STAT3: variants seen among roughly 807,000 people sequenced by gnomAD.
STAT3 encodes the protein signal transducer and activator of transcription 3.
Under a neutral mutation model 114.3 loss-of-function variants are expected in STAT3, and 7 were observed. The observed-to-expected ratio is 0.06, with a 90% CI of 0.03 to 0.11. STAT3 has a LOEUF of 0.11. Ranked by LOEUF, STAT3 falls within the 10% of genes least tolerant of loss-of-function variation. The pLI, the probability that STAT3 is intolerant of heterozygous loss-of-function variation, is 1.00. For synonymous variants in STAT3, 331 were observed against 354.5 expected, an observed-to-expected ratio of 0.93 and a Z score of 0.74; for missense variants, 364 against 960.9, an observed-to-expected ratio of 0.38 and a Z score of 8.21.
At chr17:42,360,505 A>G (rs2083459762) in intron 1 of STAT3, among the ~76,000 whole-genome samples, 1 of 151,924 alleles carries the variant, frequency 6.6e-6, no homozygotes, top group African/African-American at 2.4e-5. Context: ...TTAGCTGGCC[A>G]TGGTGGCACA....
At chr17:42,353,424 C>T (rs2083074891) in intron 1 of STAT3, among the ~76,000 whole-genome samples, 2 of 150,882 alleles carry the variant, frequency 1.3e-5, no homozygotes, top group African/African-American at 4.9e-5. Flanking sequence ...GAAAACTTAA[C>T]ATTACATATG....
chr17:42,360,189 A>T (rs2083444906), intron 1 of STAT3, among the ~76,000 whole-genome samples: 1 of 150,648 alleles, frequency 6.6e-6, no homozygotes, highest in Non-Finnish European at 1.5e-5. Context: ...CCACTATAGG[A>T]GTCTTGTTTT....
chr17:42,364,061 G>A (rs534337131), intron 1 of STAT3, among the ~76,000 whole-genome samples: 2 of 152,102 alleles, frequency 1.3e-5, no homozygotes, highest in Admixed American at 1.3e-4. Context: ...GTACCATCCT[G>A]ATTTAGAACT....
chr17:42,318,022 C>G (rs927056269), intron 21 of STAT3, among the ~76,000 whole-genome samples: 1 of 152,122 alleles, frequency 6.6e-6, no homozygotes, highest in African/African-American at 2.4e-5. Flanking sequence ...GGCACAATCT[C>G]GGTTACCGCA....
chr17:42,363,419 C>A (rs538999487), intron 1 of STAT3, among the ~76,000 whole-genome samples: 1 of 152,176 alleles, frequency 6.6e-6, no homozygotes, highest in African/African-American at 2.4e-5. Context: ...ACTTTAGCCC[C>A]TTCCAGTTCC....
intron 3 of STAT3, among the ~76,000 whole-genome samples, chr17:42,346,205 A>G (rs1488475204): frequency 1.3e-5 from 2 of 152,088 alleles, no homozygotes; most frequent in African/African-American, 4.8e-5. Flanking sequence ...ACAGTATACT[A>G]TCCTGGTCTT....
At position 42,335,624 on chromosome 17, in the gene STAT3, A is replaced by G. The variant is rs190763529; in HGVS notation, c.798-1575T>C. Among the ~76,000 whole-genome samples the G allele has an allele frequency of 5.9e-5, 9 of 152,360 alleles. No homozygotes were observed. The East Asian group carries it at 9.6e-4, about 16-fold the overall frequency. ...AAGCTCATTAAATCTATCTCCAAGA[A>G]TAGAGATATTAGGCCAGGTGCAGTG... On this transcript the variant is annotated intron_variant, in intron 8 of 23. Coordinates refer to ENST00000264657, the MANE Select transcript of STAT3 (RefSeq NM_139276.3).
At chr17:42,330,228 T>C (rs1158860619) in intron 11 of STAT3, among the ~76,000 whole-genome samples, 2 of 151,626 alleles carry the variant, frequency 1.3e-5, no homozygotes, top group Non-Finnish European at 2.9e-5. Context: ...GTGATTCTCC[T>C]GCCTCAGCCT....
intron 10 of STAT3, among the ~76,000 whole-genome samples, chr17:42,332,277 C>T (rs1373164621): frequency 6.6e-6 from 1 of 150,796 alleles, no homozygotes; most frequent in Non-Finnish European, 1.5e-5. Flanking sequence ...CGGTGACTCA[C>T]ACCTGTAATC....
chr17:42,323,664 C>T (rs748671241), intron 17 of STAT3, 39 bp from the exon 18 acceptor site: 31 of 1,601,602 alleles, frequency 1.9e-5, no homozygotes, highest in Non-Finnish European at 2.7e-5. Flanking sequence ...ACATTTTCAG[C>T]TTGGGGTCAA....
At chr17:42,357,731 T>A (rs1185081283) in intron 1 of STAT3, among the ~76,000 whole-genome samples, 2 of 152,098 alleles carry the variant, frequency 1.3e-5, no homozygotes, top group South Asian at 2.1e-4. Context: ...ATTAGAGTCA[T>A]TCATAATTTA....
chr17:42,383,156 A>G (rs1489602726), intron 1 of STAT3, among the ~76,000 whole-genome samples: 2 of 151,840 alleles, frequency 1.3e-5, no homozygotes, highest in African/African-American at 2.4e-5. Context: ...TCCCAGGTTC[A>G]AGCAATTCTC....
chr17:42,346,465 T>G (rs45570640), intron 3 of STAT3, 104 bp downstream of exon 3: 4 of 1,528,784 alleles, frequency 2.6e-6, no homozygotes, highest in Admixed American at 1.7e-5. Context: ...ACAAGATAGA[T>G]TCTCGTTACT....
At chr17:42,334,088 A>AATGT in intron 8 of STAT3, 39 bp from the exon 9 acceptor site, 1 of 1,612,292 alleles carries the variant, frequency 6.2e-7, no homozygotes, top group South Asian at 1.1e-5. Context: ...TACCAAAGTG[A>AATGT]ATGTATACAG....
intron 1 of STAT3, among the ~76,000 whole-genome samples, chr17:42,370,919 G>A (rs978887277): frequency 6.6e-6 from 1 of 152,032 alleles, no homozygotes; most frequent in African/African-American, 2.4e-5. Flanking sequence ...TCCCTGTTAA[G>A]CCCAGTTTAT....
intron 1 of STAT3, among the ~76,000 whole-genome samples, chr17:42,354,925 T>C: frequency 6.6e-6 from 1 of 151,968 alleles, no homozygotes. Context: ...AATAAAAGTA[T>C]AACTTAAAGC....
At position 42,388,396 on chromosome 17, in the gene STAT3, G is replaced by C. The variant is rs1448557564; in HGVS notation, c.-141C>G. ...GAGGGGGAGAGACAGCGCCAAGCCG[G>C]GGTGCCTGTCCAGGATCCGGTTGGG... On this transcript the variant is annotated 5_prime_UTR_variant, in exon 1 of 24. Transcript: ENST00000264657. The C allele has an allele frequency of 2.4e-6, 3 of 1,231,554 alleles. No homozygotes were observed. The highest frequency in any genetic ancestry group is 3.0e-6 in the Non-Finnish European group (3 of 987,894). The allele number at this position is 1,231,554 out of a possible 1,614,324, so 76.3% of individuals were successfully genotyped here.
chr17:42,323,927 A>G (rs891617951), intron 17 of STAT3, among the ~76,000 whole-genome samples: 1 of 152,232 alleles, frequency 6.6e-6, no homozygotes, highest in African/African-American at 2.4e-5. Context: ...ACAAGCTGAC[A>G]TCGGGTGTCA....
rs1423155125 is a variant in STAT3, at chr17:42,314,956, GT to G, written c.*788del. 5.6e-6 allele frequency: 1 copy of G among 177,184 alleles called. No individual in the cohort carries two copies. The highest frequency in any genetic ancestry group is 2.4e-5 in the African/African-American group (1 of 41,942). The allele number at this position is 177,184 out of a possible 1,614,324, so 11.0% of individuals were successfully genotyped here. ...GCTCACTGCAACCTCCGCCTCTCAG[GT>G]TCAAGCGATTCTCCTGCCTCAGCCT... On this transcript the variant is annotated 3_prime_UTR_variant, in exon 24 of 24. Transcript: ENST00000264657.
Sources: gnomAD v4.1 joint callset for allele counts (sites outside exome capture counted in the v4.1 genomes callset) on GRCh38, gnomAD v4.1.1 for gene constraint, MANE v1.5 for transcripts, NCBI Gene and HGNC (gene_info 2026-07-23, HGNC 2026-07-21) for gene names.